Variants in SLC39A11 observed in about 807,000 individuals in gnomAD.
SLC39A11 encodes the protein solute carrier family 39 member 11, also known as zinc transporter ZIP11.
In SLC39A11, 33 loss-of-function variants were observed where a neutral mutation model predicts 36.1. That is an observed-to-expected ratio of 0.91 (90% confidence interval 0.69 to 1.22). SLC39A11 has a LOEUF of 1.22. Ranked by LOEUF, SLC39A11 falls within the 50% of genes most tolerant of loss-of-function variation. The pLI, the probability that SLC39A11 is intolerant of heterozygous loss-of-function variation, is 0.00. For missense variants in SLC39A11, 432 were observed against 430.3 expected (o/e 1.00, Z -0.03); for synonymous variants, 166 against 170.3 (o/e 0.97, Z 0.20).
intron 5 of SLC39A11, among the ~76,000 whole-genome samples, chr17:72,852,225 A>C (rs2079381653): frequency 6.8e-6 from 1 of 147,572 alleles, no homozygotes; most frequent in African/African-American, 2.5e-5. Context: ...AAAAAAAAAA[A>C]AAACAGAAAG....
chr17:73,002,115 A>T lies in SLC39A11; in HGVS notation c.306+29441T>A, dbSNP rs543972780. ...TACAAAATGCATTCTATTGTAAGAC[A>T]TACCATTACTTGAGGTATCACTAAG... is the stretch of plus-strand genomic sequence containing the variant. On this transcript the variant is annotated intron_variant, in intron 4 of 9. Transcript: ENST00000255559. 3.3e-5 allele frequency among the ~76,000 whole-genome samples: 5 copies of T among 152,292 alleles called. No homozygotes were observed. In the South Asian group the frequency reaches 1.0e-3, roughly 32 times the overall value.
At chr17:72,951,746 G>A (rs2085879607) in intron 4 of SLC39A11, among the ~76,000 whole-genome samples, 1 of 152,094 alleles carries the variant, frequency 6.6e-6, no homozygotes. Context: ...GATGTTCCAA[G>A]CATTTTACAT....
chr17:72,692,705 A>G (rs1362748879), intron 7 of SLC39A11, among the ~76,000 whole-genome samples: 2 of 152,186 alleles, frequency 1.3e-5, no homozygotes, highest in African/African-American at 4.8e-5. Flanking sequence ...GACACAGCCA[A>G]ACCCTATCAG....
At chr17:72,908,648 G>A (rs529160718) in intron 5 of SLC39A11, among the ~76,000 whole-genome samples, 5 of 152,330 alleles carry the variant, frequency 3.3e-5, no homozygotes, top group Admixed American at 6.5e-5. Context: ...GTGACCACCA[G>A]TCAGTAAGGG....
chr17:72,849,606 G>A (rs752034112), intron 6 of SLC39A11, 28 bp downstream of exon 6: 139 of 1,459,314 alleles, frequency 9.5e-5, no homozygotes, highest in Admixed American at 3.2e-4. Context: ...TCAGGCAGTG[G>A]CTGTCACGCT....
intron 4 of SLC39A11, among the ~76,000 whole-genome samples, chr17:73,005,850 C>T (rs1032293173): frequency 1.3e-5 from 2 of 152,142 alleles, no homozygotes; most frequent in East Asian, 3.9e-4. Flanking sequence ...ACTCGGGAGT[C>T]TAAGGCAAGG....
chr17:72,667,784 C>T (rs2070823697), intron 7 of SLC39A11, among the ~76,000 whole-genome samples: 1 of 152,262 alleles, frequency 6.6e-6, no homozygotes, highest in South Asian at 2.1e-4. Context: ...ATGCTAAGCA[C>T]TGTTCATGCA....
intron 5 of SLC39A11, among the ~76,000 whole-genome samples, chr17:72,874,939 A>T (rs1485752664): frequency 1.3e-5 from 2 of 152,216 alleles, no homozygotes; most frequent in African/African-American, 4.8e-5. Context: ...TGTACCCCAA[A>T]TGAAGCTAAA....
At chr17:72,740,919 C>T (rs1598523256) in intron 6 of SLC39A11, among the ~76,000 whole-genome samples, 1 of 152,122 alleles carries the variant, frequency 6.6e-6, no homozygotes, top group Non-Finnish European at 1.5e-5. Flanking sequence ...GGATTACAGG[C>T]GTGCACCACC....
At chr17:72,700,158 G>C (rs1290134224) in intron 7 of SLC39A11, among the ~76,000 whole-genome samples, 1 of 152,186 alleles carries the variant, frequency 6.6e-6, no homozygotes, top group Non-Finnish European at 1.5e-5. Flanking sequence ...GCGGGAGATG[G>C]GCAAAGTTTG....
At chr17:72,805,734 T>TTTTTTC (rs1050082236) in intron 6 of SLC39A11, among the ~76,000 whole-genome samples, 1 of 151,618 alleles carries the variant, frequency 6.6e-6, no homozygotes, top group African/African-American at 2.4e-5. Context: ...GAGTTAATTT[T>TTTTTTC]TTTTTCTTTT....
intron 5 of SLC39A11, among the ~76,000 whole-genome samples, chr17:72,941,221 C>T (rs370083661): frequency 8.0e-4 from 122 of 152,294 alleles, no homozygotes; most frequent in African/African-American, 2.8e-3. Context: ...TACAGTGAGC[C>T]ATGATCGCAC....
rs150568993 is a variant in SLC39A11 at position 72,885,002 on chromosome 17, T to C, written c.431-35198A>G. Among the ~76,000 whole-genome samples the C allele has an allele frequency of 3.0e-3, 455 of 152,326 alleles. 1 individual carries two copies. The highest frequency in any genetic ancestry group is 9.4e-3 in the African/African-American group (390 of 41,578). On this transcript the variant is annotated intron_variant, in intron 5 of 9. Transcript: ENST00000255559. Reference sequence around the variant, plus strand: ...TTATCATCCCTTTAAAAGGCCTGTTTTGACAAAGGGGCTGGAGCACTTGAA... The same window carrying C: ...TTATCATCCCTTTAAAAGGCCTGTTCTGACAAAGGGGCTGGAGCACTTGAA...
intron 4 of SLC39A11, among the ~76,000 whole-genome samples, chr17:73,023,025 C>A (rs1310343536): frequency 6.6e-6 from 1 of 152,220 alleles, no homozygotes; most frequent in Non-Finnish European, 1.5e-5. Flanking sequence ...TCCATTACTG[C>A]AAGCTCACAG....
chr17:73,038,789 A>AT (rs2059013017), intron 3 of SLC39A11, among the ~76,000 whole-genome samples: 2 of 28,900 alleles, frequency 6.9e-5, no homozygotes, highest in Non-Finnish European at 1.4e-4. Flanking sequence ...GGGAGGAGGG[A>AT]GGAGGGAGGG....
At chr17:72,923,406 G>T (rs1480485309) in intron 5 of SLC39A11, among the ~76,000 whole-genome samples, 1 of 152,194 alleles carries the variant, frequency 6.6e-6, no homozygotes, top group Admixed American at 6.5e-5. Context: ...CCTGCAGCCT[G>T]CATATATACA....
chr17:72,921,790 A>G (rs987954981), intron 5 of SLC39A11, among the ~76,000 whole-genome samples: 3 of 152,112 alleles, frequency 2.0e-5, no homozygotes, highest in African/African-American at 7.2e-5. Flanking sequence ...GACACCAACA[A>G]TTCCAAGACA....
intron 4 of SLC39A11, among the ~76,000 whole-genome samples, chr17:73,024,125 C>A (rs540757596): frequency 3.3e-5 from 5 of 152,254 alleles, no homozygotes; most frequent in African/African-American, 1.2e-4. Context: ...GACTGCAGAA[C>A]TGCCACCTTC....
chr17:73,069,285 A>G (rs907707977), intron 3 of SLC39A11, among the ~76,000 whole-genome samples: 1 of 152,160 alleles, frequency 6.6e-6, no homozygotes, highest in Non-Finnish European at 1.5e-5. Context: ...CCACATGCTG[A>G]CCCGCCTCAT....
Sources: allele counts gnomAD v4.1 joint callset (sites outside exome capture counted in the v4.1 genomes callset), GRCh38; gene constraint gnomAD v4.1.1; transcripts MANE v1.5; gene names NCBI Gene and HGNC (gene_info 2026-07-23, HGNC 2026-07-21).